The following MKX variants were observed in gnomAD, a reference collection of about 807,000 sequenced individuals.
MKX encodes the protein mohawk homeobox, also known as homeobox protein Mohawk.
Under a neutral mutation model 36.0 loss-of-function variants are expected in MKX, and 13 were observed. The ratio of observed to expected loss-of-function variants is 0.36; its 90% CI spans 0.24 to 0.57. The LOEUF (loss-of-function observed/expected upper bound fraction) is 0.57. Ranked by LOEUF, MKX falls within the 20% of genes least tolerant of loss-of-function variation. The pLI is 0.79. For missense variants in MKX, 458 were observed against 456.4 expected, an observed-to-expected ratio of 1.00 and a Z score of -0.03; for synonymous variants, 176 against 178.3, an observed-to-expected ratio of 0.99 and a Z score of 0.10.
intron 5 of MKX, among the ~76,000 whole-genome samples, chr10:27,691,106 T>A (rs1836446312): frequency 6.6e-6 from 1 of 152,186 alleles, no homozygotes; most frequent in African/African-American, 2.4e-5. Flanking sequence ...ACCTCCTTTG[T>A]TTATAAATGA....
At chr10:27,733,711 A>G (rs1018950787) in intron 5 of MKX, among the ~76,000 whole-genome samples, 2 of 152,224 alleles carry the variant, frequency 1.3e-5, no homozygotes, top group Non-Finnish European at 2.9e-5. Context: ...TTCCAAAGTC[A>G]CCTCATACAC....
At chr10:27,726,593 A>T (rs1834493773) in intron 5 of MKX, among the ~76,000 whole-genome samples, 1 of 151,606 alleles carries the variant, frequency 6.6e-6, no homozygotes, top group African/African-American at 2.4e-5. Context: ...TCCATTTTTC[A>T]TCCTTGCATT....
rs1834904475 is a variant in MKX, at chr10:27,741,752, G to A, written c.189-248C>T. On this transcript the variant is annotated intron_variant, in intron 2 of 6. Transcript: ENST00000419761. This position sits in a 1 kb window ranked among gnomAD's most constrained non-coding sequence, Gnocchi z 5.1. Reference sequence around the variant, plus strand: ...CCTTGAACCCAATACCCCAAGGTTAGAGGTTTAGAAGACGAAGGTCAAGTG... The same window carrying A: ...CCTTGAACCCAATACCCCAAGGTTAAAGGTTTAGAAGACGAAGGTCAAGTG... Among the ~76,000 whole-genome samples the A allele has an allele frequency of 6.6e-6, 1 of 152,264 alleles. No individual in the cohort carries two copies. Among genetic ancestry groups the A allele is most frequent in the Admixed American group, 6.5e-5 (1 of 15,286 alleles).
At chr10:27,709,412 G>A (rs954962651) in intron 5 of MKX, among the ~76,000 whole-genome samples, 1 of 152,172 alleles carries the variant, frequency 6.6e-6, no homozygotes, top group Admixed American at 6.5e-5. Context: ...GGTATTGGTG[G>A]CAGAAGTAGG....
intron 5 of MKX, among the ~76,000 whole-genome samples, chr10:27,732,830 C>T (rs931951299): frequency 1.3e-5 from 2 of 152,102 alleles, no homozygotes; most frequent in African/African-American, 2.4e-5. Context: ...TCACTGCAGC[C>T]TTGATCTCCT....
At chr10:27,743,667 C>G (rs1457366009) in intron 1 of MKX, 170 bp from the exon 2 acceptor site, 4 of 492,708 alleles carry the variant, frequency 8.1e-6, no homozygotes, top group African/African-American at 2.1e-5. Context: ...TACACGCCCC[C>G]GCCCCTGCAG....
chr10:27,706,063 A>C (rs1348474079), intron 5 of MKX, among the ~76,000 whole-genome samples: 1 of 151,908 alleles, frequency 6.6e-6, no homozygotes, highest in Non-Finnish European at 1.5e-5. Flanking sequence ...CTGAGTGACC[A>C]CCATTTTTTT....
chr10:27,723,448 C>T (rs879311555), intron 5 of MKX, among the ~76,000 whole-genome samples: 2 of 152,050 alleles, frequency 1.3e-5, no homozygotes, highest in Non-Finnish European at 2.9e-5. Flanking sequence ...GCAACCAGAA[C>T]AACAATAAGA....
At chr10:27,743,723 TC>T (rs998770645) in intron 1 of MKX, among the ~76,000 whole-genome samples, 1 of 151,582 alleles carries the variant, frequency 6.6e-6, no homozygotes. Flanking sequence ...GGGCGATCGA[TC>T]CCCCCAATCC....
chr10:27,744,420 C>T lies in MKX; in HGVS notation c.-82-923G>A, dbSNP rs1171652537. Among the ~76,000 whole-genome samples the T allele has an allele frequency of 2.6e-5, 4 of 152,166 alleles. No individual in the cohort carries two copies. The highest frequency in any genetic ancestry group is 5.9e-5 in the Non-Finnish European group (4 of 68,024). On this transcript the variant is annotated intron_variant, in intron 1 of 6. Coordinates refer to ENST00000419761, the MANE Select transcript of MKX (RefSeq NM_173576.3). This position sits in a 1 kb window ranked among gnomAD's most constrained non-coding sequence, Gnocchi z 5.6. Reference sequence around the variant, plus strand: ...GGAGGCAGCTTGGTCGGCGCACCTCCCGGGCCACTGCTGCCACTGTCGGGG... The same window carrying T: ...GGAGGCAGCTTGGTCGGCGCACCTCTCGGGCCACTGCTGCCACTGTCGGGG...
chr10:27,691,471 A>ATG (rs1836452665), intron 5 of MKX, among the ~76,000 whole-genome samples: 1 of 152,188 alleles, frequency 6.6e-6, no homozygotes, highest in African/African-American at 2.4e-5. Context: ...ATATATATAT[A>ATG]TTATTGGATT....
intron 5 of MKX, among the ~76,000 whole-genome samples, chr10:27,733,011 A>G (rs559108445): frequency 4.6e-5 from 7 of 152,132 alleles, no homozygotes; most frequent in African/African-American, 1.4e-4. Context: ...CTGCCTCCCA[A>G]AGTGTTGGGA....
chr10:27,734,672 C>T lies in MKX; in HGVS notation c.622G>A (p.Ala208Thr). 1 of 1,614,108 alleles carries T rather than the reference C, an allele frequency of 6.2e-7. No homozygotes were observed. Among genetic ancestry groups the T allele is most frequent in the Non-Finnish European group, 8.5e-7 (1 of 1,180,010 alleles). ...IKAGVRPESR[A>T]SEDYVAPPKY... is the part of the protein sequence containing the mutation. ...GGGGGTGCCACGTAGTCCTCACTGG[C>T]CCGTGACTCTGGCCTCACTCCCGCT... is the stretch of plus-strand genomic sequence containing the variant. Residue 208 changes from alanine (A) to threonine (T), a missense_variant, in exon 5 of 7, where the codon GCC becomes ACC. Around this residue, in one of 3 missense-constraint regions of MKX, gnomAD observed 297 missense variants for 304.4 expected, o/e 0.98. Coordinates refer to ENST00000419761, the MANE Select transcript of MKX (RefSeq NM_173576.3).
Position 27,675,209 on chromosome 10 carries a change from A to T in MKX, c.*20T>A. Reference sequence around the variant, plus strand: ...AAACACCGGAAAGAACATCCATTGGATCTGAAAAGCAACAAGCTCTTAAAA... The same window carrying T: ...AAACACCGGAAAGAACATCCATTGGTTCTGAAAAGCAACAAGCTCTTAAAA... On this transcript the variant is annotated 3_prime_UTR_variant, in exon 7 of 7. Coordinates refer to ENST00000419761, the MANE Select transcript of MKX (RefSeq NM_173576.3). 6.2e-7 allele frequency: 1 copy of T among 1,608,080 alleles called. No homozygotes were observed. Among genetic ancestry groups the T allele is most frequent in the Non-Finnish European group, 8.5e-7 (1 of 1,176,556 alleles).
chr10:27,734,424 C>G lies in MKX; in HGVS notation c.838+32G>C, dbSNP rs370707355. On this transcript the variant is annotated intron_variant, in intron 5 of 6. Coordinates refer to ENST00000419761, the MANE Select transcript of MKX (RefSeq NM_173576.3). Reference sequence around the variant, plus strand: ...TTTTAATTGTGCTTTAAACAGGTATCGCAGGAATTACTACAGAAAGCACGG... The same window carrying G: ...TTTTAATTGTGCTTTAAACAGGTATGGCAGGAATTACTACAGAAAGCACGG... 4.7e-5 allele frequency: 74 copies of G among 1,578,664 alleles called. No individual in the cohort carries two copies. The African/African-American group carries it at 8.9e-4, about 19-fold the overall frequency.
intron 4 of MKX, 62 bp downstream of exon 4, chr10:27,735,159 A>C: frequency 6.9e-7 from 1 of 1,444,922 alleles, no homozygotes; most frequent in Non-Finnish European, 9.2e-7. Flanking sequence ...TAAAAATAGC[A>C]ATTATGGTGA....
chr10:27,728,608 C>T (rs561797779), intron 5 of MKX, among the ~76,000 whole-genome samples: 194 of 152,266 alleles, frequency 1.3e-3, no homozygotes, highest in Non-Finnish European at 2.1e-3. Context: ...TGGACTGTGT[C>T]CCAGAAGCTT....
At chr10:27,739,666 T>C (rs1452724603) in intron 3 of MKX, among the ~76,000 whole-genome samples, 2 of 152,134 alleles carry the variant, frequency 1.3e-5, no homozygotes, top group African/African-American at 4.8e-5. Flanking sequence ...TAATGACAAA[T>C]GCTACTTCAT....
intron 5 of MKX, among the ~76,000 whole-genome samples, chr10:27,730,029 C>A (rs1486353671): frequency 6.6e-6 from 1 of 151,794 alleles, no homozygotes; most frequent in Non-Finnish European, 1.5e-5. Flanking sequence ...AGTCAAACAT[C>A]TGAAAATTAC....
Sources: allele counts gnomAD v4.1 joint callset (sites outside exome capture counted in the v4.1 genomes callset), GRCh38; gene constraint gnomAD v4.1.1; regional missense constraint gnomAD v4.1.1; non-coding constraint Gnocchi (gnomAD v3.1); transcripts MANE v1.5; gene names NCBI Gene and HGNC (gene_info 2026-07-23, HGNC 2026-07-21).